Variants in ERCC8 observed in about 807,000 individuals in gnomAD.
ERCC8 encodes the protein ERCC excision repair 8, CSA ubiquitin ligase complex subunit.
A neutral mutation model predicts 54.9 loss-of-function variants in ERCC8; 52 were observed. The observed-to-expected ratio is 0.95, with a 90% CI of 0.76 to 1.19. The LOEUF (loss-of-function observed/expected upper bound fraction) is 1.19, where lower values mean the gene tolerates loss of function less well. Among genes scored for constraint, ERCC8 ranks in the 50% most tolerant of loss-of-function variants. ERCC8 has a pLI of 0.00. For missense variants in ERCC8, 514 were observed against 466.1 expected (o/e 1.10, Z -0.95); for synonymous variants, 146 against 157.2 (o/e 0.93, Z 0.53).
At chr5:60,930,256 C>G (rs1457790342) in intron 1 of ERCC8, among the ~76,000 whole-genome samples, 2 of 152,014 alleles carry the variant, frequency 1.3e-5, no homozygotes, top group African/African-American at 2.4e-5. Flanking sequence ...ATGGCTAAAC[C>G]CTGTCTCTAC....
At chr5:60,906,120 C>T (rs1468001507) in intron 4 of ERCC8, among the ~76,000 whole-genome samples, 1 of 152,166 alleles carries the variant, frequency 6.6e-6, no homozygotes, top group Non-Finnish European at 1.5e-5. Flanking sequence ...AGTTATATAT[C>T]TTGTGCCTCC....
Position 60,887,450 on chromosome 5 carries a change from T to C in ERCC8, c.1112A>G (p.Asp371Gly), listed in dbSNP as rs1748428172. 1.9e-6 allele frequency: 3 copies of C among 1,611,766 alleles called. No individual in the cohort carries two copies. Among genetic ancestry groups the C allele is most frequent in the Non-Finnish European group, 2.5e-6 (3 of 1,177,882 alleles). Residue 371 changes from aspartate to glycine, a missense_variant, in exon 11 of 12, where the codon GAT (aspartate) becomes GGT (glycine). Coordinates refer to ENST00000676185, the MANE Select transcript of ERCC8 (RefSeq NM_000082.4). ...WVPSLYEPVP[D>G]DDETTTKSQL... ...GAAAATAATATTTACCTCATCATCA[T>C]CAGGAACTGGTTCATATAAGGATGG...
chr5:60,933,207 C>CTTTT (rs796407596), intron 1 of ERCC8, among the ~76,000 whole-genome samples: 1 of 119,702 alleles, frequency 8.4e-6, no homozygotes, highest in African/African-American at 3.0e-5. Flanking sequence ...GCATTTTTTC[C>CTTTT]TTTTTTTTCT....
rs1483435088 is a variant in ERCC8 at position 60,871,916 on chromosome 5, T to TGAGTCTC, written c.*2692_*2698dup. Among the ~76,000 whole-genome samples the TGAGTCTC allele has an allele frequency of 2.6e-4, 39 of 152,292 alleles. No homozygotes were observed. Among genetic ancestry groups the TGAGTCTC allele is most frequent in the African/African-American group, 9.1e-4 (38 of 41,558 alleles). On this transcript the variant is annotated 3_prime_UTR_variant, in exon 12 of 12. Transcript: ENST00000676185. Reference sequence around the variant, plus strand: ...TACAGGTTCAAGTGATTCCCCAGCCTGAGTCTCCCAAGTAGCTGGGACTAC... The same window carrying TGAGTCTC: ...TACAGGTTCAAGTGATTCCCCAGCCTGAGTCTCGAGTCTCCCAAGTAGCTGGGACTAC...
intron 10 of ERCC8, 52 bp from the exon 11 acceptor site, chr5:60,887,572 C>T (rs1322415580): frequency 1.7e-5 from 22 of 1,271,664 alleles, no homozygotes; most frequent in Non-Finnish European, 2.4e-5. Flanking sequence ...TGATATCAAA[C>T]TGAAATGAAT....
chr5:60,894,078 G>A (rs887637385), intron 9 of ERCC8, among the ~76,000 whole-genome samples: 8 of 151,002 alleles, frequency 5.3e-5, no homozygotes, highest in Admixed American at 2.6e-4. Flanking sequence ...TCCGCCTCCC[G>A]GGTTCACGCC....
chr5:60,897,610 A>C (rs989691996), intron 9 of ERCC8, among the ~76,000 whole-genome samples: 1 of 152,222 alleles, frequency 6.6e-6, no homozygotes, highest in Non-Finnish European at 1.5e-5. Flanking sequence ...CAAGTACTAG[A>C]AATTAATAGC....
intron 4 of ERCC8, among the ~76,000 whole-genome samples, chr5:60,914,594 A>G (rs1749372069): frequency 6.6e-6 from 1 of 151,850 alleles, no homozygotes; most frequent in Non-Finnish European, 1.5e-5. Flanking sequence ...TTTTGACACC[A>G]GCCTGGGCAA....
intron 4 of ERCC8, 161 bp downstream of exon 4, chr5:60,918,104 C>A: frequency 1.6e-6 from 1 of 628,318 alleles, no homozygotes; most frequent in Admixed American, 2.2e-5. Flanking sequence ...GTCAGCAGCA[C>A]AGCCAGGATA....
At chr5:60,879,961 T>C (rs1440186767) in intron 11 of ERCC8, among the ~76,000 whole-genome samples, 3 of 152,132 alleles carry the variant, frequency 2.0e-5, no homozygotes, top group Admixed American at 6.5e-5. Context: ...TTCCTAGCCT[T>C]GATGGTCTTT....
intron 9 of ERCC8, among the ~76,000 whole-genome samples, chr5:60,897,160 A>C (rs1370284494): frequency 2.6e-5 from 4 of 152,034 alleles, no homozygotes; most frequent in Admixed American, 6.5e-5. Context: ...CCCCCAGCAA[A>C]CAACTGATGA....
chr5:60,880,106 A>T (rs1198172893), intron 11 of ERCC8, among the ~76,000 whole-genome samples: 1 of 152,118 alleles, frequency 6.6e-6, no homozygotes, highest in Non-Finnish European at 1.5e-5. Context: ...GAAGGATTTT[A>T]TTTCTCCTTC....
rs534639109 is a variant in ERCC8, at chr5:60,912,738, T to C, written c.399+5527A>G. Among the ~76,000 whole-genome samples the C allele has an allele frequency of 3.2e-3, 484 of 152,278 alleles. 1 individual carries two copies. Among genetic ancestry groups the C allele is most frequent in the Middle Eastern group, 6.8e-3 (2 of 294 alleles). On this transcript the variant is annotated intron_variant, in intron 4 of 11. Transcript: ENST00000676185. ...ATATTGGCTGTGGGTTTGTCATAAA[T>C]AGCCCTTATTATTTTGAGATACATT...
At position 60,887,456 on chromosome 5, in the gene ERCC8, AC is replaced by A. The variant is rs765406204; in HGVS notation, c.1105del (p.Val369PhefsTer13). On this transcript the variant is annotated frameshift_variant, in exon 11 of 12. Coordinates refer to ENST00000676185, the MANE Select transcript of ERCC8 (RefSeq NM_000082.4). LOFTEE classifies it high-confidence loss of function. ...AATATTTACCTCATCATCATCAGGAACTGGTTCATATAAGGATGGAACCCAA... is the reference window on the plus strand; with the variant it reads ...AATATTTACCTCATCATCATCAGGAATGGTTCATATAAGGATGGAACCCAA... ...LAWVPSLYEP[V>X]PDDDETTTKS... 1 of 1,612,728 alleles carries A rather than the reference AC, an allele frequency of 6.2e-7. No individual in the cohort carries two copies. Among genetic ancestry groups the A allele is most frequent in the East Asian group, 2.2e-5 (1 of 44,850 alleles).
At chr5:60,920,976 T>A (rs1749583410) in intron 3 of ERCC8, among the ~76,000 whole-genome samples, 1 of 151,922 alleles carries the variant, frequency 6.6e-6, no homozygotes, top group Non-Finnish European at 1.5e-5. Context: ...ATGGCCTAAG[T>A]CTCTAAGTTC....
intron 11 of ERCC8, among the ~76,000 whole-genome samples, chr5:60,877,013 G>A (rs1206670647): frequency 1.3e-5 from 2 of 152,110 alleles, no homozygotes; most frequent in African/African-American, 2.4e-5. Context: ...TATGGTTTTA[G>A]GTCTAACATT....
intron 1 of ERCC8, among the ~76,000 whole-genome samples, chr5:60,932,763 T>A (rs1749945711): frequency 6.6e-6 from 1 of 152,094 alleles, no homozygotes; most frequent in South Asian, 2.1e-4. Flanking sequence ...AACCTGGGGA[T>A]GGTCTTGAGG....
At chr5:60,875,563 T>A (rs1747972824) in intron 11 of ERCC8, among the ~76,000 whole-genome samples, 1 of 152,266 alleles carries the variant, frequency 6.6e-6, no homozygotes, top group African/African-American at 2.4e-5. Flanking sequence ...TTGGGTATTA[T>A]GAGCCAGGTT....
chr5:60,912,246 T>C (rs1749290090), intron 4 of ERCC8, among the ~76,000 whole-genome samples: 1 of 152,152 alleles, frequency 6.6e-6, no homozygotes. Flanking sequence ...CTTCCATTTG[T>C]TTGTGTCCTC....
Sources: allele counts gnomAD v4.1 joint callset (sites outside exome capture counted in the v4.1 genomes callset), GRCh38; gene constraint gnomAD v4.1.1; transcripts MANE v1.5; gene names NCBI Gene and HGNC (gene_info 2026-07-23, HGNC 2026-07-21).